Variants in AHNAK observed in about 807,000 individuals in gnomAD.
The protein encoded by AHNAK is neuroblast differentiation-associated protein AHNAK.
A neutral mutation model predicts 37.8 loss-of-function variants in AHNAK; 23 were observed. That is an observed-to-expected ratio of 0.61 (90% CI 0.44 to 0.86). AHNAK has a LOEUF of 0.86. Ranked by LOEUF, AHNAK falls within the 40% of genes least tolerant of loss-of-function variation. AHNAK has a pLI of 0.00. For synonymous variants in AHNAK, 2,481 were observed against 2,636.3 expected (o/e 0.94, Z 1.80); for missense variants, 7,411 against 7,319.4 (o/e 1.01, Z -0.46).
In AHNAK at chr11:62,522,057, A is replaced by T; in HGVS notation, c.12360T>A (p.Pro4120=). ...GKLKGPKFKM[P]DLHLKAPKIS... is the part of the protein sequence containing the mutation. ...TCTTCGGTGCCTTGAGGTGCAGGTCAGGCATTTTAAATTTGGGGCCCTTCA... is the reference window on the plus strand; with the variant it reads ...TCTTCGGTGCCTTGAGGTGCAGGTCTGGCATTTTAAATTTGGGGCCCTTCA... Residue 4120 remains proline, a synonymous_variant, in exon 5 of 5, where the codon CCT becomes CCA. Coordinates refer to ENST00000378024, the MANE Select transcript of AHNAK (RefSeq NM_001620.3). The T allele has an allele frequency of 6.2e-7, 1 of 1,614,100 alleles. No homozygotes were observed. The highest frequency in any genetic ancestry group is 8.5e-7 in the Non-Finnish European group (1 of 1,180,024).
chr11:62,479,819 C>T (rs1434502085), intron 5 of AHNAK, among the ~76,000 whole-genome samples: 1 of 152,182 alleles, frequency 6.6e-6, no homozygotes, highest in Non-Finnish European at 1.5e-5. Context: ...GCAATCTTGT[C>T]CTTTTGCCTG....
rs765538892 is a variant in AHNAK, at chr11:62,517,089, T to C, written c.17328A>G (p.Pro5776=). The C allele has an allele frequency of 1.2e-6, 2 of 1,613,884 alleles. No homozygotes were observed. Among genetic ancestry groups the C allele is most frequent in the South Asian group, 1.1e-5 (1 of 91,080 alleles). The part of the protein sequence containing the change: ...GKFSLFKSKK[P]RHRSNSFSDE... ...CACTGAATGAATTTGAGCGGTGCCG[T>C]GGCTTCTTACTTTTAAATAAGGAGA... is the stretch of plus-strand genomic sequence containing the variant. Residue 5776 remains proline (P), a synonymous_variant, in exon 5 of 5, where the codon CCA becomes CCG. Coordinates refer to ENST00000378024, the MANE Select transcript of AHNAK (RefSeq NM_001620.3).
rs746940321 is a variant in AHNAK, at chr11:62,533,911, C to A, written c.506G>T (p.Gly169Val). ...AYTVDVTGREGAKDIDISSPE... is the reference protein window; with the variant it reads ...AYTVDVTGREVAKDIDISSPE... ...GCTACTGATGTCTATGTCCTTGGCT[C>A]CTTCCCGGCCAGTCACATCCACAGT... Residue 169 changes from glycine (G) to valine (V), a missense_variant, in exon 5 of 5, where the codon GGA becomes GTA. By Grantham distance (109) the Gly-to-Val change is moderately radical. Coordinates refer to ENST00000378024, the MANE Select transcript of AHNAK (RefSeq NM_001620.3). The A allele has an allele frequency of 1.2e-5, 19 of 1,614,050 alleles. No homozygotes were observed. Among genetic ancestry groups the A allele is most frequent in the Non-Finnish European group, 1.2e-5 (14 of 1,180,050 alleles).
rs1384766005 is a variant in AHNAK at position 62,516,713 on chromosome 11, A to G, written c.*31T>C. ...ACCCAAGGCTGATGTTTTGTTATATATATATATATGTACACACATACAAAG... is the reference window on the plus strand; with the variant it reads ...ACCCAAGGCTGATGTTTTGTTATATGTATATATATGTACACACATACAAAG... On this transcript the variant is annotated 3_prime_UTR_variant, in exon 5 of 5. Coordinates refer to ENST00000378024, the MANE Select transcript of AHNAK (RefSeq NM_001620.3). 5 of 1,558,976 alleles carry G rather than the reference A, an allele frequency of 3.2e-6. No individual in the cohort carries two copies. Among genetic ancestry groups the G allele is most frequent in the African/African-American group, 1.4e-5 (1 of 72,524 alleles).
At chr11:62,501,193 C>A (rs528594424) in intron 4 of AHNAK, among the ~76,000 whole-genome samples, 12 of 151,862 alleles carry the variant, frequency 7.9e-5, no homozygotes, top group Admixed American at 7.2e-4. Context: ...CAGAGTGAGA[C>A]CCCATCCAAA....
intron 5 of AHNAK, among the ~76,000 whole-genome samples, chr11:62,435,146 G>A (rs1402429706): frequency 6.6e-6 from 1 of 152,044 alleles, no homozygotes; most frequent in African/African-American, 2.4e-5. Flanking sequence ...TTCTCTCTGT[G>A]ACTAAATCCT....
At chr11:62,540,025 A>G (rs748369289) in intron 1 of AHNAK, among the ~76,000 whole-genome samples, 34 of 152,184 alleles carry the variant, frequency 2.2e-4, no homozygotes, top group Non-Finnish European at 2.5e-4. Flanking sequence ...ATCAAGCCCA[A>G]GTGGTCCTTT....
rs559608896 is a variant in AHNAK at position 62,494,164 on chromosome 11, C to T, written c.343-2333G>A. ...TCTTAAAAACTGCACATAGATTAAT[C>T]CCATCTCACTGATTCTTCTTTCTTC... On this transcript the variant is annotated intron_variant, in intron 4 of 5. Transcript: ENST00000257247. Among the ~76,000 whole-genome samples the T allele has an allele frequency of 2.6e-5, 4 of 152,144 alleles. No homozygotes were observed. The South Asian group carries it at 6.2e-4, about 24-fold the overall frequency.
At chr11:62,481,917 AC>A (rs1939284739) in intron 5 of AHNAK, among the ~76,000 whole-genome samples, 1 of 151,750 alleles carries the variant, frequency 6.6e-6, no homozygotes, top group African/African-American at 2.4e-5. Flanking sequence ...TGATGTTAAG[AC>A]CTTTTACGAT....
chr11:62,434,163 G>T (rs1005780121), intron 5 of AHNAK, among the ~76,000 whole-genome samples: 2 of 152,020 alleles, frequency 1.3e-5, no homozygotes, highest in African/African-American at 4.8e-5. Context: ...CTGTCCTTTT[G>T]GTGCCCCCCA....
intron 4 of AHNAK, 92 bp from the exon 5 acceptor site, chr11:62,534,166 T>C: frequency 1.5e-6 from 2 of 1,371,952 alleles, no homozygotes; most frequent in Non-Finnish European, 1.9e-6. Context: ...ACGTTGCCTG[T>C]TTCCCAGAGA....
chr11:62,458,411 A>C (rs1464623965), intron 5 of AHNAK, among the ~76,000 whole-genome samples: 1 of 152,062 alleles, frequency 6.6e-6, no homozygotes, highest in Non-Finnish European at 1.5e-5. Context: ...TACAGTACAG[A>C]GTGCACCACG....
At chr11:62,466,673 G>A (rs1367515407) in intron 5 of AHNAK, among the ~76,000 whole-genome samples, 1 of 151,950 alleles carries the variant, frequency 6.6e-6, no homozygotes, top group Admixed American at 6.6e-5. Context: ...AGCCATCATC[G>A]CATCTTGCCT....
At position 62,525,289 on chromosome 11, in the gene AHNAK, T is replaced by A; in HGVS notation, c.9128A>T (p.Asp3043Val). Residue 3043 changes from aspartate (D) to valine (V), a missense_variant, in exon 5 of 5, where the codon GAT (aspartate) becomes GTT (valine). Coordinates refer to ENST00000378024, the MANE Select transcript of AHNAK (RefSeq NM_001620.3). ...AAGGTCAGCCTTGGGCAGGTTCACA[T>A]CCACATCTGGGCCCTCTCCTTTGAA... is the stretch of plus-strand genomic sequence containing the variant. ...PGFKGEGPDV[D>V]VNLPKADLDV... 1 of 1,613,296 alleles carries A rather than the reference T, an allele frequency of 6.2e-7. No homozygotes were observed. Among genetic ancestry groups the A allele is most frequent in the Non-Finnish European group, 8.5e-7 (1 of 1,179,854 alleles).
chr11:62,525,407 C>T lies in AHNAK; in HGVS notation c.9010G>A (p.Val3004Met). 1.9e-6 allele frequency: 3 copies of T among 1,613,578 alleles called. No individual in the cohort carries two copies. The highest frequency in any genetic ancestry group is 2.5e-6 in the Non-Finnish European group (3 of 1,179,858). Residue 3004 changes from valine to methionine, a missense_variant, in exon 5 of 5, where the codon GTG becomes ATG. Transcript: ENST00000378024. Reference protein sequence around the residue: ...GPEVDIRGPQVDIDVPDVGVQ... With the variant: ...GPEVDIRGPQMDIDVPDVGVQ... ...CCCACATCCGGGACATCAATGTCCA[C>T]TTGGGGACCCCTGATGTCAACTTCA...
At chr11:62,512,871 G>GAAGT (rs1295849526), downstream of AHNAK, among the ~76,000 whole-genome samples, 1 of 148,196 alleles carries the variant, frequency 6.7e-6, no homozygotes, top group Non-Finnish European at 1.5e-5. This position sits in a 1 kb window ranked among gnomAD's most constrained non-coding sequence, Gnocchi z 4.0. Flanking sequence ...AGGAAGGAAG[G>GAAGT]GAGGGAGGGA....
chr11:62,462,213 C>T (rs573307732), intron 5 of AHNAK, among the ~76,000 whole-genome samples: 107 of 147,502 alleles, frequency 7.3e-4, no homozygotes, highest in African/African-American at 2.6e-3. Flanking sequence ...CCCACCCCAA[C>T]GCCCACCCTC....
chr11:62,512,283 G>T (rs2134183704), downstream of AHNAK, among the ~76,000 whole-genome samples: 1 of 152,270 alleles, frequency 6.6e-6, no homozygotes, highest in South Asian at 2.1e-4. This position sits in a 1 kb window ranked among gnomAD's most constrained non-coding sequence, Gnocchi z 4.0. Context: ...GAGGGGTCAG[G>T]GTGTTCCTCC....
At chr11:62,505,671 C>T (rs1290304121) in intron 4 of AHNAK, among the ~76,000 whole-genome samples, 1 of 151,836 alleles carries the variant, frequency 6.6e-6, no homozygotes, top group Non-Finnish European at 1.5e-5. Context: ...CGCTCCCTGC[C>T]GCTCATTGCA....
Sources: gnomAD v4.1 joint callset for allele counts (sites outside exome capture counted in the v4.1 genomes callset) on GRCh38, gnomAD v4.1.1 for gene constraint, Gnocchi (gnomAD v3.1) non-coding constraint, MANE v1.5 for transcripts, NCBI Gene and HGNC (gene_info 2026-07-23, HGNC 2026-07-21) for gene names.